RPS10: variants seen among roughly 807,000 people sequenced by gnomAD.
The protein encoded by RPS10 is ribosomal protein S10, also known as small ribosomal subunit protein eS10.
RPS10 carries 2 observed loss-of-function variants against 22.6 expected under a neutral mutation model. That is an observed-to-expected ratio of 0.09 (90% CI 0.04 to 0.28). The LOEUF (loss-of-function observed/expected upper bound fraction) is 0.28, where lower values mean the gene tolerates loss of function less well. RPS10 is among the 10% of genes least tolerant of loss of function. The pLI is 1.00. For synonymous variants in RPS10, 70 were observed against 75.9 expected, an observed-to-expected ratio of 0.92 and a Z score of 0.40; for missense variants, 137 against 222.2, an observed-to-expected ratio of 0.62 and a Z score of 2.44.
At position 34,418,152 on chromosome 6, in the gene RPS10, T is replaced by C. The variant is rs551305430; in HGVS notation, c.456+217A>G. On this transcript the variant is annotated intron_variant, in intron 5 of 5. Transcript: ENST00000648437. ...AAACAGAAAATACTAGTAGGCCACA[T>C]GTACTGATTTCTGAGACTCATTTCA... 4 of 1,469,278 alleles carry C rather than the reference T, an allele frequency of 2.7e-6. No homozygotes were observed. In the African/African-American group the frequency reaches 4.3e-5, roughly 16 times the overall value. The allele number at this position is 1,469,278 out of a possible 1,614,324, so 91.0% of individuals were successfully genotyped here. A position where few individuals can be genotyped will look rare whatever the true frequency, so the allele number is the denominator to read the frequency against.
Position 34,424,662 on chromosome 6 carries a change from AC to A in RPS10, c.322+6del. 6.2e-7 allele frequency: 1 copy of A among 1,613,964 alleles called. No homozygotes were observed. Among genetic ancestry groups the A allele is most frequent in the South Asian group, 1.1e-5 (1 of 91,068 alleles). ...AATAGCTGAAGGGATTTGTGTGGGA[AC>A]CATACCTTTAGGCCGAGGCCTGCCA... On this transcript the variant is annotated splice_donor_region_variant and intron_variant, in intron 3 of 5. Coordinates refer to ENST00000648437, the MANE Select transcript of RPS10 (RefSeq NM_001014.5).
Position 34,424,776 on chromosome 6 carries a change from G to C in RPS10, c.215C>G (p.Thr72Ser), listed in dbSNP as rs553744707. The C allele has an allele frequency of 2.5e-6, 4 of 1,614,016 alleles. No homozygotes were observed. The Admixed American group carries it at 6.7e-5, about 27-fold the overall frequency. The change falls in exon 3 of 6, where the codon ACC (threonine) becomes AGC (serine). Residue 72 changes from threonine to serine, a missense_variant. Physicochemically the swap from Thr to Ser is moderately conservative, Grantham distance 58. Transcript: ENST00000648437. ...FAWRHFYWYL[T>S]NEGIQYLRDY... is the part of the protein sequence containing the mutation. ...ACGGAGATACTGGATACCCTCATTG[G>C]TAAGGTACCAGTAGAAATGTCTCCA...
intron 4 of RPS10, among the ~76,000 whole-genome samples, chr6:34,419,336 T>C (rs956525198): frequency 5.3e-5 from 8 of 151,972 alleles, no homozygotes; most frequent in Non-Finnish European, 1.2e-4. Flanking sequence ...CTAATTTTTA[T>C]ATTTTTTGTA....
intron 5 of RPS10, chr6:34,417,985 T>C (rs1454312320): frequency 1.4e-6 from 1 of 702,648 alleles, no homozygotes; most frequent in Non-Finnish European, 2.6e-6. Flanking sequence ...ATCACCTTAT[T>C]TTATAGATGG....
intron 4 of RPS10, among the ~76,000 whole-genome samples, chr6:34,420,909 G>A (rs1765740015): frequency 6.6e-6 from 1 of 151,618 alleles, no homozygotes; most frequent in Admixed American, 6.6e-5. Flanking sequence ...TCGGGAGGCT[G>A]AGGCAGGAGA....
intron 3 of RPS10, chr6:34,424,163 A>AAAAAAAAAAAAAAAAAAAC (rs1561939868): frequency 1.3e-5 from 2 of 150,930 alleles, no homozygotes; most frequent in African/African-American, 5.0e-5. Flanking sequence ...AAAAAAAAAA[A>AAAAAAAAAAAAAAAAAAAC]AGCAACTGTG....
chr6:34,417,703 C>CACATCCAGTAAGGGGCAG, intron 5 of RPS10, 156 bp from the exon 6 acceptor site: 1 of 760,268 alleles, frequency 1.3e-6, no homozygotes, highest in Non-Finnish European at 2.4e-6. Context: ...AGCACTGCCC[C>CACATCCAGTAAGGGGCAG]TTACTGGATG....
chr6:34,417,841 T>A lies in RPS10; in HGVS notation c.457-294A>T, dbSNP rs553228067. The A allele has an allele frequency of 1.7e-4, 125 of 718,550 alleles. No homozygotes were observed. In the African/African-American group the frequency reaches 2.0e-3, roughly 11 times the overall value. 44.5% of individuals were successfully genotyped at this position (718,550 alleles called of 1,614,324 possible). A position where few individuals can be genotyped will look rare whatever the true frequency, so the allele number is the denominator to read the frequency against. On this transcript the variant is annotated intron_variant, in intron 5 of 5. Coordinates refer to ENST00000648437, the MANE Select transcript of RPS10 (RefSeq NM_001014.5). The stretch of plus-strand genomic sequence containing the variant: ...CACCAGGATTGGACCGTTTCTACTG[T>A]ACATGCTTCCTTTTTACAAATGACA...
intron 4 of RPS10, among the ~76,000 whole-genome samples, chr6:34,420,155 C>G (rs1342987976): frequency 6.6e-6 from 1 of 152,146 alleles, no homozygotes; most frequent in African/African-American, 2.4e-5. Flanking sequence ...AGATCTATGG[C>G]TCACATTGGG....
intron 4 of RPS10, 37 bp downstream of exon 4, chr6:34,421,693 C>T (rs761916893): frequency 1.9e-6 from 3 of 1,611,482 alleles, no homozygotes; most frequent in Admixed American, 1.7e-5. Flanking sequence ...AGACATTTCA[C>T]CCCAACACCC....
At chr6:34,417,570 T>C (rs368815453) in intron 5 of RPS10, 23 bp from the exon 6 acceptor site, 2 of 1,613,252 alleles carry the variant, frequency 1.2e-6, no homozygotes, top group East Asian at 4.5e-5. Context: ...GCACATCACA[T>C]CAGCATGAGC....
At chr6:34,424,970 G>A in intron 2 of RPS10, 102 bp downstream of exon 2, 3 of 1,608,674 alleles carry the variant, frequency 1.9e-6, no homozygotes, top group Admixed American at 1.7e-5. Flanking sequence ...TTTTGAACTT[G>A]CCTTGAACCT....
At chr6:34,417,740 A>G in intron 5 of RPS10, 193 bp from the exon 6 acceptor site, 1 of 722,726 alleles carries the variant, frequency 1.4e-6, no homozygotes, top group South Asian at 1.5e-5. Context: ...ATCTAGGCCC[A>G]TTTCTTCATT....
Position 34,425,105 on chromosome 6 carries a change from A to G in RPS10, c.117T>C (p.Asn39=), listed in dbSNP as rs767881575. 4.3e-6 allele frequency: 7 copies of G among 1,612,666 alleles called. No individual in the cohort carries two copies. Among genetic ancestry groups the G allele is most frequent in the South Asian group, 1.1e-5 (1 of 91,000 alleles). Residue 39 remains asparagine, a synonymous_variant, in exon 2 of 6, where the codon AAT becomes AAC. Coordinates refer to ENST00000648437, the MANE Select transcript of RPS10 (RefSeq NM_001014.5). The part of the protein sequence containing the change: ...MPKHPELADK[N]VPNLHVMKAM... ...CCTTCATGACATGAAGGTTGGGCAC[A>G]TTCTTGTCTGCCAGCTCCGGGTGCT...
At chr6:34,418,470 A>G in intron 4 of RPS10, 46 bp from the exon 5 acceptor site, 1 of 1,613,812 alleles carries the variant, frequency 6.2e-7, no homozygotes, top group Non-Finnish European at 8.5e-7. Flanking sequence ...GATCTAATCT[A>G]CTATAGAACA....
chr6:34,418,486 A>C, intron 4 of RPS10, 62 bp from the exon 5 acceptor site: 1 of 1,612,068 alleles, frequency 6.2e-7, no homozygotes, highest in Non-Finnish European at 8.5e-7. Context: ...GAACAAGGGA[A>C]GACAACTCAC....
intron 2 of RPS10, 79 bp downstream of exon 2, chr6:34,424,993 C>T: frequency 6.2e-7 from 1 of 1,608,132 alleles, no homozygotes; most frequent in Non-Finnish European, 8.5e-7. Context: ...GGGGAAGATC[C>T]CTCCATCCCA....
intron 4 of RPS10, among the ~76,000 whole-genome samples, chr6:34,419,337 A>AT (rs1030034715): frequency 1.5e-4 from 23 of 151,172 alleles, no homozygotes; most frequent in African/African-American, 5.1e-4. Flanking sequence ...TAATTTTTAT[A>AT]TTTTTTGTAG....
In RPS10 at chr6:34,420,223, T is replaced by C. The variant is rs567574692; in HGVS notation, c.400+1507A>G. Among the ~76,000 whole-genome samples the C allele has an allele frequency of 8.0e-4, 122 of 152,074 alleles. 1 individual carries two copies. The highest frequency in any genetic ancestry group is 2.8e-3 in the African/African-American group (117 of 41,434). ...TAACGAATATGGTTTCAGTAATCGT[T>C]TTCTTTTCTTTTGAGACAGGGTCTT... On this transcript the variant is annotated intron_variant, in intron 4 of 5. Transcript: ENST00000648437.
Sources: gnomAD v4.1 joint callset for allele counts (sites outside exome capture counted in the v4.1 genomes callset) on GRCh38, gnomAD v4.1.1 for gene constraint, MANE v1.5 for transcripts, NCBI Gene and HGNC (gene_info 2026-07-23, HGNC 2026-07-21) for gene names.